Variants in STRN observed in about 807,000 individuals in gnomAD.
STRN encodes the protein protein phosphatase 2 regulatory subunit B'''alpha.
In STRN, 53 loss-of-function variants were observed where a neutral mutation model predicts 96.3. The observed-to-expected ratio is 0.55, with a 90% CI of 0.44 to 0.69. The LOEUF (loss-of-function observed/expected upper bound fraction) is 0.69, where lower values mean the gene tolerates loss of function less well. Ranked by LOEUF, STRN falls within the 30% of genes least tolerant of loss-of-function variation. STRN has a pLI of 0.00. For synonymous variants in STRN, 428 were observed against 355.9 expected (o/e 1.20, Z -2.28); for missense variants, 987 against 963.9 (o/e 1.02, Z -0.32).
intron 1 of STRN, among the ~76,000 whole-genome samples, chr2:36,943,612 G>A (rs891125847): frequency 4.6e-5 from 7 of 151,642 alleles, no homozygotes; most frequent in Non-Finnish European, 7.4e-5. Context: ...AGACCATCCC[G>A]GCTAACACAG....
At chr2:36,965,137 A>C (rs1665127717) in intron 1 of STRN, among the ~76,000 whole-genome samples, 1 of 152,154 alleles carries the variant, frequency 6.6e-6, no homozygotes, top group Non-Finnish European at 1.5e-5. Flanking sequence ...CGCCAAATAC[A>C]TGTTACCAAA....
At chr2:36,873,062 GGGCTCAGTAA>G (rs5830445) in intron 10 of STRN, among the ~76,000 whole-genome samples, 128,832 of 151,910 alleles carry the variant, frequency 0.85, 56,806 homozygotes, top group Non-Finnish European at 0.96. Flanking sequence ...CACGACAGTG[GGGCTCAGTAA>G]GTCACTTTGC....
chr2:36,885,408 T>C (rs1322490301), intron 8 of STRN, among the ~76,000 whole-genome samples: 2 of 152,192 alleles, frequency 1.3e-5, no homozygotes, highest in Non-Finnish European at 2.9e-5. Context: ...TGGTTTTTTG[T>C]CATGACTCTC....
chr2:36,874,838 C>G (rs1668861039), intron 10 of STRN, among the ~76,000 whole-genome samples: 1 of 151,340 alleles, frequency 6.6e-6, no homozygotes, highest in South Asian at 2.1e-4. Flanking sequence ...AACTGGATAC[C>G]AACAGACCTT....
At chr2:36,886,936 TA>T in intron 7 of STRN, 110 bp from the exon 8 acceptor site, 1 of 766,430 alleles carries the variant, frequency 1.3e-6, no homozygotes, top group Admixed American at 2.9e-5. Flanking sequence ...ATCACTAACT[TA>T]AAAAAAGTCA....
intron 14 of STRN, among the ~76,000 whole-genome samples, chr2:36,857,521 T>C (rs1668375876): frequency 6.6e-6 from 1 of 151,394 alleles, no homozygotes; most frequent in Non-Finnish European, 1.5e-5. Flanking sequence ...CTAAAAAAAC[T>C]ACAAAAATTA....
At chr2:36,964,582 T>C (rs1029082040) in intron 1 of STRN, among the ~76,000 whole-genome samples, 2 of 152,252 alleles carry the variant, frequency 1.3e-5, no homozygotes, top group African/African-American at 2.4e-5. Flanking sequence ...AATGAAAAAG[T>C]TGCCAAATAA....
At chr2:36,887,040 A>AAGAC (rs202208628) in intron 7 of STRN, among the ~76,000 whole-genome samples, 2,469 of 116,954 alleles carry the variant, frequency 0.021, 21 homozygotes, top group South Asian at 0.073. Context: ...TTTCTCCTGA[A>AAGAC]AGACACACAC....
rs1490652301 is a variant in STRN at position 36,966,266 on chromosome 2, C to T, written c.198G>A (p.Glu66=). The T allele has an allele frequency of 3.1e-6, 5 of 1,588,028 alleles. No individual in the cohort carries two copies. Among genetic ancestry groups the T allele is most frequent in the Non-Finnish European group, 4.3e-6 (5 of 1,169,316 alleles). ...LQHEWARFEV[E]RAQWEVERAE... ...CCCGCTCCACCTCCCACTGGGCTCT[C>T]TCCACCTCGAAGCGGGCCCACTCGT... The change falls in exon 1 of 18, where the codon GAG becomes GAA. Residue 66 remains glutamate (E), a synonymous_variant. Coordinates refer to ENST00000263918, the MANE Select transcript of STRN (RefSeq NM_003162.4).
At chr2:36,963,303 T>A (rs1572705336) in intron 1 of STRN, among the ~76,000 whole-genome samples, 1 of 152,160 alleles carries the variant, frequency 6.6e-6, no homozygotes, top group Non-Finnish European at 1.5e-5. Context: ...AGAGGCAAAT[T>A]TGACTTCATC....
At position 36,842,839 on chromosome 2, in the gene STRN, T is replaced by C. The variant is rs1667982953; in HGVS notation, c.*6617A>G. 6.6e-6 allele frequency among the ~76,000 whole-genome samples: 1 copy of C among 152,180 alleles called. No individual in the cohort carries two copies. The highest frequency in any genetic ancestry group is 2.1e-4 in the South Asian group (1 of 4,832). The stretch of plus-strand genomic sequence containing the variant: ...GCTTCCTTAGAGAACTGGAGTGTTC[T>C]GGTCATCCTGAGAAGTAACAGGCGG... On this transcript the variant is annotated 3_prime_UTR_variant, in exon 18 of 18. Coordinates refer to ENST00000263918, the MANE Select transcript of STRN (RefSeq NM_003162.4).
intron 1 of STRN, among the ~76,000 whole-genome samples, chr2:36,933,795 C>T (rs540266996): frequency 4.8e-4 from 73 of 152,102 alleles, no homozygotes; most frequent in African/African-American, 1.6e-3. Context: ...AGTTAAAAGG[C>T]GATGACTCTA....
intron 13 of STRN, among the ~76,000 whole-genome samples, chr2:36,858,529 C>T (rs546471162): frequency 6.6e-6 from 1 of 152,274 alleles, no homozygotes; most frequent in Admixed American, 6.5e-5. Context: ...GTGACATCTA[C>T]AGGAATCCCC....
chr2:36,883,596 G>A (rs1669135659), intron 9 of STRN, among the ~76,000 whole-genome samples: 1 of 152,134 alleles, frequency 6.6e-6, no homozygotes, highest in South Asian at 2.1e-4. Flanking sequence ...ATATTTATAT[G>A]AGTTTCAAAG....
rs1255612144 is a variant in STRN at position 36,839,189 on chromosome 2, G to C, written c.*10267C>G. Among the ~76,000 whole-genome samples, 4 of 152,024 alleles carry C rather than the reference G, an allele frequency of 2.6e-5. No individual in the cohort carries two copies. The East Asian group carries it at 7.7e-4, about 29-fold the overall frequency. On this transcript the variant is annotated 3_prime_UTR_variant, in exon 18 of 18. Coordinates refer to ENST00000263918, the MANE Select transcript of STRN (RefSeq NM_003162.4). ...GTTTTTTGCATTTAAATTCATTTCTGTCACTTTCTTAACCTGAAAAACATC... is the reference window on the plus strand; with the variant it reads ...GTTTTTTGCATTTAAATTCATTTCTCTCACTTTCTTAACCTGAAAAACATC...
At chr2:36,862,017 A>G (rs2717500) in intron 12 of STRN, among the ~76,000 whole-genome samples, 133,649 of 152,094 alleles carry the variant, frequency 0.88, 60,251 homozygotes, top group Non-Finnish European at 0.98. Context: ...AAGTGAGAAC[A>G]TGCAGTATTT....
chr2:36,959,532 C>T (rs991842903), intron 1 of STRN, among the ~76,000 whole-genome samples: 1 of 152,220 alleles, frequency 6.6e-6, no homozygotes, highest in Non-Finnish European at 1.5e-5. Flanking sequence ...CTGAACCTCA[C>T]TTTACCTAAC....
chr2:36,899,376 G>A (rs776147558), intron 6 of STRN, 147 bp downstream of exon 6: 34 of 675,228 alleles, frequency 5.0e-5, no homozygotes, highest in Middle Eastern at 4.3e-4. Context: ...CTTGAAATCA[G>A]TATTACAAAC....
At chr2:36,896,167 G>A (rs1164529964) in intron 6 of STRN, among the ~76,000 whole-genome samples, 2 of 152,110 alleles carry the variant, frequency 1.3e-5, no homozygotes, top group African/African-American at 4.8e-5. Flanking sequence ...TAAGAAGCAT[G>A]TGGAACCTCA....
Sources: allele counts gnomAD v4.1 joint callset (sites outside exome capture counted in the v4.1 genomes callset), GRCh38; gene constraint gnomAD v4.1.1; transcripts MANE v1.5; gene names NCBI Gene and HGNC (gene_info 2026-07-23, HGNC 2026-07-21).